Variants in POU3F3 observed in about 807,000 individuals in gnomAD.
POU3F3 encodes POU class 3 homeobox 3.
A neutral mutation model predicts 8.6 loss-of-function variants in POU3F3; 1 was observed. The observed-to-expected ratio is 0.12, with a 90% confidence interval of 0.04 to 0.55. The LOEUF (loss-of-function observed/expected upper bound fraction) is 0.55, where lower values mean the gene tolerates loss of function less well. POU3F3 is among the 20% of genes least tolerant of loss of function. POU3F3 has a pLI of 0.91. For missense variants in POU3F3, 577 were observed against 690.7 expected (o/e 0.84, Z 1.84); for synonymous variants, 418 against 327.4 (o/e 1.28, Z -2.99).
chr2:104,889,414 A>C, the POU3F3 span, among the ~76,000 whole-genome samples: 1 of 152,208 alleles, frequency 6.6e-6, no homozygotes, highest in Non-Finnish European at 1.5e-5. Flanking sequence ...TCCCAGCTGC[A>C]AATGGGGAAG....
At chr2:104,853,989 C>G (rs1676495235), upstream of POU3F3, among the ~76,000 whole-genome samples, 1 of 152,208 alleles carries the variant, frequency 6.6e-6, no homozygotes, top group South Asian at 2.1e-4. Context: ...GCCTCGCGTC[C>G]TGAGCCAGTC....
chr2:104,895,486 T>C, the POU3F3 span, among the ~76,000 whole-genome samples: 3 of 152,192 alleles, frequency 2.0e-5, no homozygotes, highest in African/African-American at 7.2e-5. Flanking sequence ...GTCAATTTTG[T>C]CTTCAGTTTT....
chr2:104,884,668 T>G, the POU3F3 span, among the ~76,000 whole-genome samples: 1 of 152,126 alleles, frequency 6.6e-6, no homozygotes, highest in Non-Finnish European at 1.5e-5. Context: ...GGGTGTGGTG[T>G]TGTAAACTTA....
At chr2:104,879,105 A>G in the POU3F3 span, among the ~76,000 whole-genome samples, 1 of 152,046 alleles carries the variant, frequency 6.6e-6, no homozygotes, top group Non-Finnish European at 1.5e-5. Flanking sequence ...CACAGAGCAC[A>G]CAACACACTC....
At chr2:104,865,099 A>G in the POU3F3 span, among the ~76,000 whole-genome samples, 9 of 152,336 alleles carry the variant, frequency 5.9e-5, no homozygotes, top group African/African-American at 2.2e-4. Context: ...CTGAGAGTTT[A>G]TATCTAGGTA....
At chr2:104,870,910 C>T in the POU3F3 span, among the ~76,000 whole-genome samples, 2 of 152,318 alleles carry the variant, frequency 1.3e-5, no homozygotes, top group African/African-American at 2.4e-5. Flanking sequence ...TTCTCAGTAA[C>T]CTTTTCTTTT....
the POU3F3 span, among the ~76,000 whole-genome samples, chr2:104,901,430 C>G: frequency 6.6e-6 from 1 of 152,314 alleles, no homozygotes; most frequent in Non-Finnish European, 1.5e-5. Context: ...GTCCCCATGA[C>G]ACGGCAGCCG....
chr2:104,906,214 A>G, the POU3F3 span, among the ~76,000 whole-genome samples: 1 of 152,234 alleles, frequency 6.6e-6, no homozygotes, highest in African/African-American at 2.4e-5. Context: ...TTTGATGAGA[A>G]GTAAAACAGA....
chr2:104,914,361 C>A, the POU3F3 span, among the ~76,000 whole-genome samples: 1 of 152,206 alleles, frequency 6.6e-6, no homozygotes, highest in Non-Finnish European at 1.5e-5. Context: ...ATCCTCTCCA[C>A]CTTCCAGCTC....
chr2:104,906,887 C>A, the POU3F3 span, among the ~76,000 whole-genome samples: 3 of 152,270 alleles, frequency 2.0e-5, no homozygotes, highest in South Asian at 6.2e-4. Flanking sequence ...ATGCATGTTT[C>A]CCTGTTGCCA....
At chr2:104,909,037 C>G in the POU3F3 span, among the ~76,000 whole-genome samples, 1 of 152,014 alleles carries the variant, frequency 6.6e-6, no homozygotes, top group Non-Finnish European at 1.5e-5. Flanking sequence ...CCAGGTTTCA[C>G]ACGTGATAGT....
At position 104,855,849 on chromosome 2, in the gene POU3F3, C is replaced by A; in HGVS notation, c.339C>A (p.Ala113=). The change falls in exon 1 of 1, where the codon GCC becomes GCA. Residue 113 remains alanine, a synonymous_variant. Transcript: ENST00000361360. ...CCGCCGCCGCCGCCGCTGCCGCCGC[C>A]GCCGCCGTGGAGGCGAGCTCGCCGT... ...HAAAAAAAAA[A]AAVEASSPWS... The A allele has an allele frequency of 9.2e-7, 1 of 1,091,832 alleles. No homozygotes were observed. The highest frequency in any genetic ancestry group is 3.0e-5 in the South Asian group (1 of 33,284). The allele number at this position is 1,091,832 out of a possible 1,614,324, so 67.6% of individuals were successfully genotyped here.
the POU3F3 span, among the ~76,000 whole-genome samples, chr2:104,920,905 A>G: frequency 1.3e-5 from 2 of 152,134 alleles, no homozygotes; most frequent in East Asian, 1.9e-4. Context: ...TCTCAGCGCT[A>G]TGATCCAAGA....
chr2:104,890,442 C>T, the POU3F3 span, among the ~76,000 whole-genome samples: 1 of 152,214 alleles, frequency 6.6e-6, no homozygotes, highest in East Asian at 1.9e-4. Context: ...TCTCTTTCCT[C>T]TCCATGGCCA....
chr2:104,874,724 C>T, the POU3F3 span, among the ~76,000 whole-genome samples: 1 of 152,202 alleles, frequency 6.6e-6, no homozygotes, highest in African/African-American at 2.4e-5. Context: ...TATCTGTCTT[C>T]CTGTGTTTAT....
At chr2:104,904,910 C>T in the POU3F3 span, among the ~76,000 whole-genome samples, 5 of 152,222 alleles carry the variant, frequency 3.3e-5, no homozygotes, top group East Asian at 1.9e-4. Flanking sequence ...TCTCTGGGCC[C>T]GCTGAATTCC....
the POU3F3 span, among the ~76,000 whole-genome samples, chr2:104,926,347 T>C: frequency 6.6e-6 from 1 of 152,028 alleles, no homozygotes; most frequent in African/African-American, 2.4e-5. Flanking sequence ...AATAAACATA[T>C]GAAAAAAAGC....
the POU3F3 span, among the ~76,000 whole-genome samples, chr2:104,914,646 C>CGAT: frequency 6.6e-6 from 1 of 152,042 alleles, no homozygotes; most frequent in East Asian, 1.9e-4. Context: ...GTGTGTCTGG[C>CGAT]GATTGGAAGA....
the POU3F3 span, among the ~76,000 whole-genome samples, chr2:104,877,947 C>T: frequency 4.6e-5 from 7 of 152,198 alleles, no homozygotes; most frequent in African/African-American, 1.2e-4. Context: ...TGAGCCACCA[C>T]GCCCAGCCAC....
Sources: gnomAD v4.1 joint callset for allele counts (sites outside exome capture counted in the v4.1 genomes callset) on GRCh38, gnomAD v4.1.1 for gene constraint, MANE v1.5 for transcripts, NCBI Gene and HGNC (gene_info 2026-07-23, HGNC 2026-07-21) for gene names.